EXOC6: variants seen among roughly 807,000 people sequenced by gnomAD.
EXOC6 encodes the protein SEC15-like 1.
In EXOC6, 60 loss-of-function variants were observed where a neutral mutation model predicts 112.5. That is an observed-to-expected ratio of 0.53 (90% CI 0.43 to 0.66). EXOC6 has a LOEUF of 0.66. EXOC6 is among the 30% of genes least tolerant of loss of function. EXOC6 has a pLI of 0.00. For synonymous variants in EXOC6, 295 were observed against 308.0 expected (o/e 0.96, Z 0.44); for missense variants, 855 against 957.1 (o/e 0.89, Z 1.41).
chr10:93,041,663 C>T (rs1203885711), intron 20 of EXOC6, among the ~76,000 whole-genome samples: 1 of 152,144 alleles, frequency 6.6e-6, no homozygotes, highest in Non-Finnish European at 1.5e-5. Flanking sequence ...ATCTGCCTGC[C>T]TCGGCCTCCC....
intron 19 of EXOC6, 31 bp from the exon 20 acceptor site, chr10:93,014,163 T>G (rs751129488): frequency 5.7e-6 from 9 of 1,566,300 alleles, no homozygotes; most frequent in Non-Finnish European, 7.9e-6. Flanking sequence ...GTGATCTCAT[T>G]TTTATTCTTT....
At chr10:92,994,350 A>T (rs371096316) in intron 18 of EXOC6, among the ~76,000 whole-genome samples, 1 of 152,200 alleles carries the variant, frequency 6.6e-6, no homozygotes, top group Non-Finnish European at 1.5e-5. Context: ...TGCAAAAAGG[A>T]TCTAATATGT....
intron 19 of EXOC6, among the ~76,000 whole-genome samples, chr10:93,003,492 T>TA (rs1843846204): frequency 6.6e-6 from 1 of 152,196 alleles, no homozygotes; most frequent in Non-Finnish European, 1.5e-5. Flanking sequence ...GTGACACACG[T>TA]ACCTGTGAGT....
intron 17 of EXOC6, among the ~76,000 whole-genome samples, 168 bp downstream of exon 17, chr10:92,955,882 G>T (rs898491811): frequency 6.6e-6 from 1 of 152,066 alleles, no homozygotes; most frequent in East Asian, 1.9e-4. Flanking sequence ...TTTTGGCACT[G>T]TAAACATCTT....
At chr10:92,863,869 C>T (rs759703738) in intron 1 of EXOC6, among the ~76,000 whole-genome samples, 12 of 148,300 alleles carry the variant, frequency 8.1e-5, no homozygotes, top group East Asian at 2.0e-4. Flanking sequence ...GAGTCTATAT[C>T]GCGCCACTGC....
chr10:92,891,362 C>T (rs1564805303), intron 1 of EXOC6, among the ~76,000 whole-genome samples: 1 of 152,120 alleles, frequency 6.6e-6, no homozygotes, highest in Non-Finnish European at 1.5e-5. Flanking sequence ...AGAATATGTC[C>T]AAGATCAGAG....
chr10:93,003,288 G>C (rs1176337659), intron 19 of EXOC6, among the ~76,000 whole-genome samples: 1 of 152,146 alleles, frequency 6.6e-6, no homozygotes, highest in Non-Finnish European at 1.5e-5. Context: ...TAGATGTAGT[G>C]GGGGAGGTGG....
At chr10:92,866,312 G>A (rs1196191152) in intron 1 of EXOC6, among the ~76,000 whole-genome samples, 3 of 152,040 alleles carry the variant, frequency 2.0e-5, no homozygotes, top group African/African-American at 2.4e-5. Context: ...ATGAGCACAC[G>A]TAATATAAAC....
chr10:92,845,328 C>A (rs936152639), upstream of EXOC6, among the ~76,000 whole-genome samples: 1 of 151,780 alleles, frequency 6.6e-6, no homozygotes, highest in African/African-American at 2.4e-5. Flanking sequence ...CAAGTCAGGG[C>A]AATCACTTTA....
At chr10:92,896,083 G>GTATATATATGTGTA (rs1564809543) in intron 4 of EXOC6, among the ~76,000 whole-genome samples, 1 of 92,484 alleles carries the variant, frequency 1.1e-5, no homozygotes, top group Non-Finnish European at 2.1e-5. Context: ...ATATATATGT[G>GTATATATATGTGTA]TATATATATA....
At chr10:93,035,208 C>T (rs562117502) in intron 20 of EXOC6, among the ~76,000 whole-genome samples, 1 of 152,146 alleles carries the variant, frequency 6.6e-6, no homozygotes, top group Non-Finnish European at 1.5e-5. Context: ...CTTCTTTTTG[C>T]TCCAGTGTCA....
At chr10:92,901,411 C>T (rs373424114) in intron 5 of EXOC6, 1 of 151,742 alleles carries the variant, frequency 6.6e-6, no homozygotes, top group Non-Finnish European at 1.5e-5. Context: ...TCCCCACCAC[C>T]ACCTTTTTTC....
At chr10:93,041,415 G>A (rs1219252075) in intron 20 of EXOC6, among the ~76,000 whole-genome samples, 2 of 152,000 alleles carry the variant, frequency 1.3e-5, no homozygotes, top group African/African-American at 4.8e-5. Flanking sequence ...TATTTGAGAT[G>A]GAGTCTCACT....
At chr10:92,952,494 T>C (rs139931687) in intron 15 of EXOC6, 112 bp downstream of exon 15, 2 of 718,138 alleles carry the variant, frequency 2.8e-6, no homozygotes, top group East Asian at 5.5e-5. Context: ...ATTCATGGGG[T>C]ACATGTTTGT....
At chr10:93,038,873 T>C (rs1845637808) in intron 20 of EXOC6, among the ~76,000 whole-genome samples, 1 of 152,230 alleles carries the variant, frequency 6.6e-6, no homozygotes, top group Non-Finnish European at 1.5e-5. Flanking sequence ...TAAGTATATG[T>C]ACACACTCCG....
At chr10:92,956,442 T>C (rs1223505102) in intron 17 of EXOC6, among the ~76,000 whole-genome samples, 2 of 152,174 alleles carry the variant, frequency 1.3e-5, no homozygotes, top group African/African-American at 4.8e-5. Flanking sequence ...TTAACTACTT[T>C]TGTTATATTA....
intron 18 of EXOC6, among the ~76,000 whole-genome samples, chr10:92,994,702 A>G (rs1843404383): frequency 6.6e-6 from 1 of 152,078 alleles, no homozygotes; most frequent in Non-Finnish European, 1.5e-5. Flanking sequence ...AGTTTTTAAA[A>G]GATCGTTGTA....
intron 1 of EXOC6, among the ~76,000 whole-genome samples, chr10:92,866,482 C>G (rs531603515): frequency 6.6e-6 from 1 of 152,128 alleles, no homozygotes; most frequent in Non-Finnish European, 1.5e-5. Flanking sequence ...TTCTGTTGTA[C>G]TAAAAATTAA....
At chr10:93,035,121 T>C (rs1200490490) in intron 20 of EXOC6, among the ~76,000 whole-genome samples, 1 of 152,224 alleles carries the variant, frequency 6.6e-6, no homozygotes, top group Non-Finnish European at 1.5e-5. Flanking sequence ...GTCCAGATAT[T>C]AGAAAAGTAT....
Sources: allele counts gnomAD v4.1 joint callset (sites outside exome capture counted in the v4.1 genomes callset), GRCh38; gene constraint gnomAD v4.1.1; transcripts MANE v1.5; gene names NCBI Gene and HGNC (gene_info 2026-07-23, HGNC 2026-07-21).